The following SHLD1 variants were observed in gnomAD, a reference collection of about 807,000 sequenced individuals.
The protein encoded by SHLD1 is RINN1-REV7-interacting novel NHEJ regulator 3.
In SHLD1, 3 loss-of-function variants were observed where a neutral mutation model predicts 5.5. The observed-to-expected ratio is 0.54, with a 90% CI of 0.25 to 1.40. SHLD1 has a LOEUF of 1.40. SHLD1 is among the 40% of genes most tolerant of loss of function. The probability of loss-of-function intolerance (pLI) is 0.15; values close to 1 mark genes in which losing one functional copy is unlikely to be tolerated. For missense variants in SHLD1, 210 were observed against 244.4 expected, an observed-to-expected ratio of 0.86 and a Z score of 0.94; for synonymous variants, 92 against 94.3, an observed-to-expected ratio of 0.98 and a Z score of 0.14.
At chr20:5,766,820 GTCTTGAAC>G (rs2122221119) in intron 1 of SHLD1, among the ~76,000 whole-genome samples, 1 of 152,154 alleles carries the variant, frequency 6.6e-6, no homozygotes, top group South Asian at 2.1e-4. Flanking sequence ...GGCCAGGTTG[GTCTTGAAC>G]TCTTGGCCTC....
At chr20:5,803,466 G>A (rs1375872951) in intron 2 of SHLD1, among the ~76,000 whole-genome samples, 1 of 152,306 alleles carries the variant, frequency 6.6e-6, no homozygotes, top group East Asian at 1.9e-4. Context: ...ACCAAGCCCA[G>A]TCTGTAGATC....
chr20:5,768,310 G>A (rs1340508107), intron 1 of SHLD1, among the ~76,000 whole-genome samples: 5 of 152,196 alleles, frequency 3.3e-5, no homozygotes, highest in Admixed American at 1.3e-4. Context: ...CTGATACGCT[G>A]TGGCACTGTG....
At position 5,851,294 on chromosome 20, in the gene SHLD1, T is replaced by C. The variant is rs567477306; in HGVS notation, c.179-11730T>C. Among the ~76,000 whole-genome samples, 10 of 152,272 alleles carry C rather than the reference T, an allele frequency of 6.6e-5. No individual in the cohort carries two copies. The East Asian group carries it at 1.7e-3, about 26-fold the overall frequency. The stretch of plus-strand genomic sequence containing the variant: ...TAAGCCCAGGAGTTTGAGACCAGCC[T>C]GACCAACATGGTGAGACCCCATCTC... On this transcript the variant is annotated intron_variant, in intron 2 of 2. Transcript: ENST00000303142.
chr20:5,769,246 G>T (rs975137629), intron 1 of SHLD1, among the ~76,000 whole-genome samples: 2 of 152,196 alleles, frequency 1.3e-5, no homozygotes, highest in African/African-American at 2.4e-5. Context: ...ATGGTGCTGT[G>T]TGGTATTTCA....
intron 2 of SHLD1, among the ~76,000 whole-genome samples, chr20:5,858,691 C>T (rs923090533): frequency 6.6e-6 from 1 of 152,110 alleles, no homozygotes; most frequent in African/African-American, 2.4e-5. Flanking sequence ...AAAAATTAGC[C>T]AGGCATGGTG....
intron 2 of SHLD1, among the ~76,000 whole-genome samples, chr20:5,795,991 C>CAAAA (rs74601698): frequency 7.5e-6 from 1 of 133,618 alleles, no homozygotes; most frequent in Admixed American, 7.6e-5. Context: ...GACTCTGTCT[C>CAAAA]AAAAAAAAAA....
At chr20:5,837,429 A>C (rs376646842) in intron 2 of SHLD1, among the ~76,000 whole-genome samples, 150 of 152,222 alleles carry the variant, frequency 9.9e-4, no homozygotes, top group African/African-American at 3.5e-3. Flanking sequence ...CCCAGCGTCC[A>C]TTAGCTGTTC....
intron 2 of SHLD1, among the ~76,000 whole-genome samples, chr20:5,820,729 C>G (rs963873712): frequency 5.9e-5 from 9 of 152,256 alleles, no homozygotes; most frequent in Admixed American, 5.9e-4. Context: ...CATACTGTCT[C>G]ACAGGGAAAA....
At chr20:5,838,877 A>C (rs1297718711) in intron 2 of SHLD1, among the ~76,000 whole-genome samples, 1 of 152,200 alleles carries the variant, frequency 6.6e-6, no homozygotes, top group African/African-American at 2.4e-5. Flanking sequence ...TTAATATTAA[A>C]TTTTGTCCAG....
intron 2 of SHLD1, among the ~76,000 whole-genome samples, chr20:5,838,843 A>G (rs960763071): frequency 1.3e-5 from 2 of 152,216 alleles, no homozygotes; most frequent in African/African-American, 4.8e-5. Context: ...TGTACATGTC[A>G]CTGATAGTTT....
At chr20:5,809,563 G>A (rs1024207967) in intron 2 of SHLD1, among the ~76,000 whole-genome samples, 69 of 152,104 alleles carry the variant, frequency 4.5e-4, no homozygotes, top group African/African-American at 1.6e-3. Context: ...AGCTCTAGCT[G>A]GATGAATTAT....
intron 2 of SHLD1, among the ~76,000 whole-genome samples, chr20:5,818,599 TCCAGGAA>T (rs2087568072): frequency 6.6e-6 from 1 of 152,176 alleles, no homozygotes; most frequent in Non-Finnish European, 1.5e-5. Flanking sequence ...GGTCATATGA[TCCAGGAA>T]CTCTTGGTCC....
chr20:5,844,122 G>C (rs1214878966), intron 2 of SHLD1, among the ~76,000 whole-genome samples: 1 of 152,196 alleles, frequency 6.6e-6, no homozygotes, highest in African/African-American at 2.4e-5. Flanking sequence ...TAAATGGGAG[G>C]CATGGGTGTT....
At chr20:5,760,381 T>A (rs1016050695) in intron 1 of SHLD1, among the ~76,000 whole-genome samples, 4 of 151,552 alleles carry the variant, frequency 2.6e-5, no homozygotes, top group African/African-American at 9.7e-5. Flanking sequence ...CTTCTGTATG[T>A]GTGTGTGTGT....
chr20:5,755,912 G>C (rs1984065482), intron 1 of SHLD1, among the ~76,000 whole-genome samples: 1 of 152,126 alleles, frequency 6.6e-6, no homozygotes, highest in South Asian at 2.1e-4. Context: ...GCTTTGCAGA[G>C]CCATTTCAAA....
At chr20:5,785,154 C>G (rs569714916) in intron 2 of SHLD1, among the ~76,000 whole-genome samples, 33 of 152,298 alleles carry the variant, frequency 2.2e-4, no homozygotes, top group African/African-American at 7.9e-4. Flanking sequence ...AAACAGACAC[C>G]GTCACTAGTT....
At chr20:5,833,877 T>C (rs1160761967) in intron 2 of SHLD1, among the ~76,000 whole-genome samples, 1 of 152,190 alleles carries the variant, frequency 6.6e-6, no homozygotes, top group Non-Finnish European at 1.5e-5. Context: ...TTCACATCTT[T>C]GTCATTTCCA....
At chr20:5,790,172 G>A (rs2087118373) in intron 2 of SHLD1, among the ~76,000 whole-genome samples, 1 of 152,182 alleles carries the variant, frequency 6.6e-6, no homozygotes. Context: ...GGCACTGGCA[G>A]AGGGGATCCC....
chr20:5,832,849 G>A (rs536934848), intron 2 of SHLD1, among the ~76,000 whole-genome samples: 2 of 145,790 alleles, frequency 1.4e-5, no homozygotes, highest in East Asian at 2.0e-4. Context: ...ATAAATAAAT[G>A]GGGAAAAAAG....
Sources: gnomAD v4.1 joint callset for allele counts (sites outside exome capture counted in the v4.1 genomes callset) on GRCh38, gnomAD v4.1.1 for gene constraint, MANE v1.5 for transcripts, NCBI Gene and HGNC (gene_info 2026-07-23, HGNC 2026-07-21) for gene names.